CFAP95: variants seen among roughly 807,000 people sequenced by gnomAD.
CFAP95 encodes cilia and flagella associated protein 95.
At chr9:69,883,647 T>G in the CFAP95 span, among the ~76,000 whole-genome samples, 2 of 152,190 alleles carry the variant, frequency 1.3e-5, no homozygotes. Context: ...TGCCCATTTC[T>G]TCTAGATTTT....
At chr9:69,905,933 T>C in the CFAP95 span, 10 of 1,481,050 alleles carry the variant, frequency 6.8e-6, no homozygotes, top group African/African-American at 9.9e-5. Context: ...TTAAATATTA[T>C]TTCTCTTTTT....
At chr9:69,856,699 T>C in the CFAP95 span, 1 of 1,527,298 alleles carries the variant, frequency 6.5e-7, no homozygotes, top group South Asian at 1.2e-5. Context: ...TTCTTTACTT[T>C]ATAGAATGTG....
chr9:69,897,765 C>A, the CFAP95 span, among the ~76,000 whole-genome samples: 1 of 152,016 alleles, frequency 6.6e-6, no homozygotes, highest in East Asian at 1.9e-4. Flanking sequence ...TACCAGGAGA[C>A]CCCATTGTTT....
the CFAP95 span, among the ~76,000 whole-genome samples, chr9:69,845,294 G>T: frequency 6.6e-6 from 1 of 152,128 alleles, no homozygotes; most frequent in African/African-American, 2.4e-5. Context: ...CAACAACTAG[G>T]AGACCCCCAA....
At chr9:69,846,513 C>T in the CFAP95 span, among the ~76,000 whole-genome samples, 1 of 152,208 alleles carries the variant, frequency 6.6e-6, no homozygotes, top group Non-Finnish European at 1.5e-5. Context: ...TCCCTATAGA[C>T]TTTCTGTGTA....
chr9:69,866,861 C>T, the CFAP95 span, among the ~76,000 whole-genome samples: 4 of 152,174 alleles, frequency 2.6e-5, no homozygotes, highest in Admixed American at 2.6e-4. Context: ...GCCTAGGTCC[C>T]GGCTTGACAT....
the CFAP95 span, among the ~76,000 whole-genome samples, chr9:69,858,798 A>T: frequency 6.6e-6 from 1 of 152,218 alleles, no homozygotes; most frequent in Non-Finnish European, 1.5e-5. Flanking sequence ...AAGAGAACTG[A>T]CTTTACAGCA....
the CFAP95 span, among the ~76,000 whole-genome samples, chr9:69,826,871 CT>C: frequency 1.3e-5 from 2 of 152,264 alleles, no homozygotes; most frequent in African/African-American, 4.8e-5. Flanking sequence ...CCAAAAGGTA[CT>C]GCAGGCTGGG....
the CFAP95 span, among the ~76,000 whole-genome samples, chr9:69,845,909 A>T: frequency 2.0e-5 from 3 of 152,078 alleles, no homozygotes; most frequent in African/African-American, 7.2e-5. Flanking sequence ...AGGCTGCCTC[A>T]TGGGTCATCA....
the CFAP95 span, among the ~76,000 whole-genome samples, chr9:69,821,632 C>A: frequency 6.6e-6 from 1 of 152,062 alleles, no homozygotes; most frequent in Non-Finnish European, 1.5e-5. Context: ...TGAACGAGGC[C>A]CCTCATATTT....
At chr9:69,895,367 C>CTGTGTGTG in the CFAP95 span, among the ~76,000 whole-genome samples, 2,664 of 110,984 alleles carry the variant, frequency 0.024, 48 homozygotes, top group East Asian at 0.077. Flanking sequence ...CTCTCTCTCT[C>CTGTGTGTG]TCTGTGTGTG....
chr9:69,857,292 T>A, the CFAP95 span, among the ~76,000 whole-genome samples: 1 of 152,200 alleles, frequency 6.6e-6, no homozygotes, highest in Non-Finnish European at 1.5e-5. Flanking sequence ...AACTCTTTAT[T>A]CATCATAGTT....
At chr9:69,837,901 T>A in the CFAP95 span, among the ~76,000 whole-genome samples, 1 of 152,218 alleles carries the variant, frequency 6.6e-6, no homozygotes, top group Non-Finnish European at 1.5e-5. Flanking sequence ...CTTGAATTGA[T>A]TTTTGTATAA....
the CFAP95 span, among the ~76,000 whole-genome samples, chr9:69,827,176 C>T: frequency 2.8e-4 from 42 of 152,164 alleles, no homozygotes; most frequent in Non-Finnish European, 4.1e-4. Context: ...AATGTAGGGA[C>T]GAATGATATT....
chr9:69,834,920 C>A, the CFAP95 span, among the ~76,000 whole-genome samples: 12 of 152,186 alleles, frequency 7.9e-5, no homozygotes, highest in African/African-American at 2.9e-4. Flanking sequence ...ACCTGAAAGT[C>A]TTCATTTATC....
At chr9:69,880,881 AG>A in the CFAP95 span, among the ~76,000 whole-genome samples, 4 of 152,224 alleles carry the variant, frequency 2.6e-5, no homozygotes, top group Middle Eastern at 3.4e-3. Flanking sequence ...ATCTCATTGT[AG>A]TTTTGGTTTG....
At chr9:69,890,657 C>T in the CFAP95 span, among the ~76,000 whole-genome samples, 5 of 152,246 alleles carry the variant, frequency 3.3e-5, no homozygotes, top group Admixed American at 6.5e-5. Flanking sequence ...GAACACAGTT[C>T]ACCATTCATT....
chr9:69,865,591 AG>A, the CFAP95 span, among the ~76,000 whole-genome samples: 2 of 152,188 alleles, frequency 1.3e-5, no homozygotes, highest in Non-Finnish European at 2.9e-5. Context: ...GATCCAGACC[AG>A]GCTATTCAGA....
the CFAP95 span, among the ~76,000 whole-genome samples, chr9:69,893,148 C>T: frequency 6.6e-6 from 1 of 152,168 alleles, no homozygotes; most frequent in Non-Finnish European, 1.5e-5. Context: ...TCATGGGCAA[C>T]CCCTAGGCGC....
Sources: allele counts gnomAD v4.1 joint callset (sites outside exome capture counted in the v4.1 genomes callset), GRCh38; gene constraint gnomAD v4.1.1; transcripts MANE v1.5; gene names NCBI Gene and HGNC (gene_info 2026-07-23, HGNC 2026-07-21).